The following SPIDR variants were observed in gnomAD, a reference collection of about 807,000 sequenced individuals.
The protein encoded by SPIDR is DNA repair-scaffolding protein.
SPIDR carries 93 observed loss-of-function variants against 104.6 expected under a neutral mutation model. The observed-to-expected ratio is 0.89, with a 90% CI of 0.75 to 1.06. The LOEUF (loss-of-function observed/expected upper bound fraction) is 1.06, where lower values mean the gene tolerates loss of function less well. SPIDR is among the 50% of genes least tolerant of loss of function. The pLI, the probability that SPIDR is intolerant of heterozygous loss-of-function variation, is 0.00. For missense variants in SPIDR, 1,154 were observed against 1,111.2 expected, an observed-to-expected ratio of 1.04 and a Z score of -0.55; for synonymous variants, 431 against 416.9, an observed-to-expected ratio of 1.03 and a Z score of -0.41.
chr8:47,291,162 A>G (rs1342437332), intron 4 of SPIDR, 25 bp downstream of exon 4: 72 of 1,505,568 alleles, frequency 4.8e-5, no homozygotes, highest in Non-Finnish European at 6.5e-5. Context: ...TCTAGAATAG[A>G]CAGATTTTGT....
chr8:47,733,260 A>T (rs963589902), intron 19 of SPIDR, among the ~76,000 whole-genome samples: 4 of 152,112 alleles, frequency 2.6e-5, no homozygotes, highest in African/African-American at 9.7e-5. Context: ...GGTGGTGCGC[A>T]CCTGTAATCC....
chr8:47,413,761 G>A (rs1021164169), intron 7 of SPIDR, among the ~76,000 whole-genome samples: 5 of 152,066 alleles, frequency 3.3e-5, no homozygotes, highest in African/African-American at 7.2e-5. Flanking sequence ...GGCTTACTAC[G>A]TATTAAATCA....
chr8:47,313,926 A>G (rs587622559), intron 5 of SPIDR, among the ~76,000 whole-genome samples: 2 of 152,366 alleles, frequency 1.3e-5, no homozygotes, highest in African/African-American at 2.4e-5. Flanking sequence ...TTATACTACA[A>G]GAAATGTTTA....
intron 11 of SPIDR, among the ~76,000 whole-genome samples, chr8:47,686,149 A>C (rs775945851): frequency 3.9e-5 from 6 of 152,206 alleles, no homozygotes; most frequent in Non-Finnish European, 7.3e-5. Flanking sequence ...GGAGTCCAGC[A>C]GCATAGTCTG....
At chr8:47,279,828 G>A in intron 1 of SPIDR, 34 bp from the exon 2 acceptor site, 1 of 1,566,540 alleles carries the variant, frequency 6.4e-7, no homozygotes, top group South Asian at 1.2e-5. Flanking sequence ...TTGTTTTTTT[G>A]TTTCGATTTT....
intron 16 of SPIDR, 82 bp downstream of exon 16, chr8:47,713,723 A>G: frequency 6.4e-7 from 1 of 1,552,260 alleles, no homozygotes; most frequent in South Asian, 1.2e-5. Context: ...TTATTCAACA[A>G]GTATTTGTGG....
chr8:47,573,394 G>T (rs1004516721), intron 8 of SPIDR, among the ~76,000 whole-genome samples: 3 of 152,230 alleles, frequency 2.0e-5, no homozygotes, highest in Admixed American at 2.0e-4. Flanking sequence ...ACACTCAGTA[G>T]TCCTCTGTGA....
In SPIDR at chr8:47,735,517, G is replaced by C. The variant is rs774932163; in HGVS notation, c.*67G>C. 3 of 1,610,470 alleles carry C rather than the reference G, an allele frequency of 1.9e-6. No homozygotes were observed. The highest frequency in any genetic ancestry group is 2.5e-6 in the Non-Finnish European group (3 of 1,178,252). ...GGGTGGTGGTGGTGGTGGTGATTTG[G>C]GGTAGTTATTTGTTAACTATGGACA... On this transcript the variant is annotated 3_prime_UTR_variant, in exon 20 of 20. Coordinates refer to ENST00000297423, the MANE Select transcript of SPIDR (RefSeq NM_001080394.4).
chr8:47,594,613 G>A (rs918000374), intron 8 of SPIDR, among the ~76,000 whole-genome samples: 7 of 152,150 alleles, frequency 4.6e-5, no homozygotes, highest in African/African-American at 1.7e-4. Flanking sequence ...AAAGAGAGCA[G>A]GCTTTGGTAG....
At chr8:47,378,487 T>A (rs997415042) in intron 5 of SPIDR, among the ~76,000 whole-genome samples, 1 of 152,266 alleles carries the variant, frequency 6.6e-6, no homozygotes, top group Admixed American at 6.5e-5. Flanking sequence ...TTAAATGTTA[T>A]CTACATACAT....
intron 2 of SPIDR, among the ~76,000 whole-genome samples, chr8:47,283,754 T>C (rs2038270987): frequency 6.6e-6 from 1 of 152,206 alleles, no homozygotes; most frequent in South Asian, 2.1e-4. Context: ...GAGTACCTCA[T>C]AGGCAGTTGG....
intron 5 of SPIDR, among the ~76,000 whole-genome samples, chr8:47,319,510 C>G (rs1320454886): frequency 6.6e-6 from 1 of 151,974 alleles, no homozygotes; most frequent in Admixed American, 6.6e-5. Context: ...ACTTTAACAC[C>G]CCACTATCAA....
chr8:47,574,238 G>T (rs971495773), intron 8 of SPIDR, among the ~76,000 whole-genome samples: 1 of 152,222 alleles, frequency 6.6e-6, no homozygotes, highest in Non-Finnish European at 1.5e-5. Context: ...GCCAGTCAGT[G>T]TGAATCCTTT....
intron 8 of SPIDR, among the ~76,000 whole-genome samples, chr8:47,501,903 A>G (rs1220133959): frequency 2.0e-5 from 3 of 152,208 alleles, no homozygotes; most frequent in Non-Finnish European, 2.9e-5. Flanking sequence ...TCAGATAATC[A>G]TATGGTTTTT....
At chr8:47,400,058 G>A (rs1221378987) in intron 6 of SPIDR, among the ~76,000 whole-genome samples, 1 of 152,200 alleles carries the variant, frequency 6.6e-6, no homozygotes, top group African/African-American at 2.4e-5. Flanking sequence ...AGGCCTCTAA[G>A]GGTGGCAGGT....
chr8:47,522,553 G>C (rs981969936), intron 8 of SPIDR, among the ~76,000 whole-genome samples: 3 of 152,094 alleles, frequency 2.0e-5, no homozygotes, highest in Non-Finnish European at 2.9e-5. Flanking sequence ...CATGACCCCA[G>C]GTCAAATGAC....
intron 10 of SPIDR, among the ~76,000 whole-genome samples, chr8:47,667,257 G>C (rs1457362367): frequency 2.0e-5 from 3 of 151,878 alleles, no homozygotes; most frequent in African/African-American, 7.3e-5. Flanking sequence ...CTCCAGCCTG[G>C]GCAACAGAGG....
intron 5 of SPIDR, among the ~76,000 whole-genome samples, chr8:47,365,408 C>A (rs1266040364): frequency 1.3e-5 from 2 of 152,190 alleles, no homozygotes; most frequent in African/African-American, 4.8e-5. Context: ...CACAACTGCT[C>A]AGGAGACCCA....
At chr8:47,596,982 A>G (rs1163882336) in intron 9 of SPIDR, among the ~76,000 whole-genome samples, 2 of 152,184 alleles carry the variant, frequency 1.3e-5, no homozygotes, top group Non-Finnish European at 2.9e-5. Flanking sequence ...AGGGACAGTA[A>G]CATGCATGAA....
Sources: allele counts gnomAD v4.1 joint callset (sites outside exome capture counted in the v4.1 genomes callset), GRCh38; gene constraint gnomAD v4.1.1; transcripts MANE v1.5; gene names NCBI Gene and HGNC (gene_info 2026-07-23, HGNC 2026-07-21).